Variants in ELMO1 observed in about 807,000 individuals in gnomAD.
ELMO1 encodes the protein engulfment and cell motility 1.
ELMO1 carries 26 observed loss-of-function variants against 98.9 expected under a neutral mutation model. The observed-to-expected ratio is 0.26, with a 90% CI of 0.19 to 0.36. The LOEUF is 0.36. ELMO1 is among the 10% of genes least tolerant of loss of function. The probability of loss-of-function intolerance (pLI) is 1.00; values close to 1 mark genes in which losing one functional copy is unlikely to be tolerated. For synonymous variants in ELMO1, 346 were observed against 346.0 expected (o/e 1.00, Z 0.00); for missense variants, 627 against 935.2 (o/e 0.67, Z 4.30).
chr7:37,434,550 G>A (rs1029976475), intron 1 of ELMO1, among the ~76,000 whole-genome samples: 2 of 152,210 alleles, frequency 1.3e-5, no homozygotes, highest in Non-Finnish European at 2.9e-5. Flanking sequence ...AATTTTAAAT[G>A]ATGTAAAATT....
intron 15 of ELMO1, 38 bp from the exon 16 acceptor site, chr7:37,013,473 A>G: frequency 6.2e-7 from 1 of 1,608,906 alleles, no homozygotes; most frequent in Non-Finnish European, 8.5e-7. Context: ...AAAAAGTTTT[A>G]AAACAGTGAA....
At chr7:36,970,313 C>A (rs1401236370) in intron 16 of ELMO1, among the ~76,000 whole-genome samples, 1 of 152,188 alleles carries the variant, frequency 6.6e-6, no homozygotes. Flanking sequence ...AATACACACA[C>A]ATGCACGGCA....
intron 15 of ELMO1, among the ~76,000 whole-genome samples, chr7:37,085,111 G>T (rs1783690706): frequency 6.6e-6 from 1 of 152,164 alleles, no homozygotes; most frequent in Non-Finnish European, 1.5e-5. Context: ...TGGGAGACCT[G>T]ATTGGCATCC....
At chr7:37,365,155 C>T (rs1801853720) in intron 1 of ELMO1, among the ~76,000 whole-genome samples, 1 of 152,174 alleles carries the variant, frequency 6.6e-6, no homozygotes, top group South Asian at 2.1e-4. Flanking sequence ...GCCACATTTC[C>T]ACTTTGTGTT....
intron 1 of ELMO1, among the ~76,000 whole-genome samples, chr7:37,394,568 T>C (rs978164195): frequency 5.9e-5 from 9 of 152,118 alleles, no homozygotes; most frequent in East Asian, 1.9e-4. Context: ...GCAAGGGGCA[T>C]AAGCATATAC....
At chr7:37,426,528 CAT>C (rs1804715446) in intron 1 of ELMO1, among the ~76,000 whole-genome samples, 1 of 152,096 alleles carries the variant, frequency 6.6e-6, no homozygotes, top group Admixed American at 6.5e-5. Context: ...AATGAGATAA[CAT>C]ATATAAATCA....
At chr7:37,252,336 A>G (rs1795395787) in intron 6 of ELMO1, among the ~76,000 whole-genome samples, 1 of 152,228 alleles carries the variant, frequency 6.6e-6, no homozygotes, top group Non-Finnish European at 1.5e-5. Context: ...AAACTATACT[A>G]CAAGGCTACA....
At chr7:37,084,643 T>C (rs1295297868) in intron 15 of ELMO1, among the ~76,000 whole-genome samples, 1 of 152,202 alleles carries the variant, frequency 6.6e-6, no homozygotes, top group African/African-American at 2.4e-5. Flanking sequence ...TAAATGAAGA[T>C]GTTGCAGGGG....
At chr7:37,355,458 T>C (rs1448977831) in intron 1 of ELMO1, among the ~76,000 whole-genome samples, 1 of 152,246 alleles carries the variant, frequency 6.6e-6, no homozygotes, top group Non-Finnish European at 1.5e-5. Context: ...GTAAGCATCA[T>C]AACCGAATTG....
At chr7:37,132,965 CCT>C (rs1362575429) in intron 14 of ELMO1, 163 bp downstream of exon 14, 5 of 452,390 alleles carry the variant, frequency 1.1e-5, no homozygotes, top group South Asian at 6.0e-5. Flanking sequence ...ATTTCAGTCC[CCT>C]GATTGATCTC....
intron 2 of ELMO1, among the ~76,000 whole-genome samples, chr7:37,329,016 G>C (rs1252158398): frequency 6.6e-6 from 1 of 152,198 alleles, no homozygotes; most frequent in Non-Finnish European, 1.5e-5. Context: ...GCAGTCCGGA[G>C]TGACTCTCAA....
chr7:37,379,046 C>T (rs937353439), intron 1 of ELMO1, among the ~76,000 whole-genome samples: 1 of 147,854 alleles, frequency 6.8e-6, no homozygotes, highest in African/African-American at 2.5e-5. Flanking sequence ...CATTCTTCTT[C>T]TTTTTTTTTT....
intron 1 of ELMO1, among the ~76,000 whole-genome samples, chr7:37,383,349 C>T (rs1046717624): frequency 2.0e-5 from 3 of 152,168 alleles, no homozygotes; most frequent in Non-Finnish European, 2.9e-5. Context: ...TCTAACATCT[C>T]GCCTCACAGT....
chr7:37,180,893 C>T (rs190008382), intron 13 of ELMO1, among the ~76,000 whole-genome samples: 1 of 151,938 alleles, frequency 6.6e-6, no homozygotes, highest in East Asian at 1.9e-4. Flanking sequence ...GGCAAAACAT[C>T]AACAGTGAAT....
chr7:37,305,829 A>G (rs1798586223), intron 4 of ELMO1, among the ~76,000 whole-genome samples: 1 of 152,266 alleles, frequency 6.6e-6, no homozygotes, highest in Non-Finnish European at 1.5e-5. Flanking sequence ...CTGAGAGGAA[A>G]ACATAAATCA....
chr7:37,157,058 G>A (rs2216149), intron 13 of ELMO1, among the ~76,000 whole-genome samples: 107,565 of 151,928 alleles, frequency 0.71, 40,656 homozygotes, highest in Non-Finnish European at 0.83. Context: ...CAGAACCAAT[G>A]ACAAAAACCA....
At chr7:37,248,751 C>T (rs1795155273) in intron 6 of ELMO1, among the ~76,000 whole-genome samples, 1 of 152,246 alleles carries the variant, frequency 6.6e-6, no homozygotes, top group African/African-American at 2.4e-5. Context: ...CTGGCCTTGG[C>T]TGCAAGGCAG....
intron 16 of ELMO1, among the ~76,000 whole-genome samples, chr7:36,963,030 T>C (rs1472528220): frequency 6.6e-6 from 1 of 152,250 alleles, no homozygotes; most frequent in Non-Finnish European, 1.5e-5. Flanking sequence ...GTGTCAACTC[T>C]AGAAGACTGG....
intron 13 of ELMO1, among the ~76,000 whole-genome samples, chr7:37,175,559 CA>C (rs1274291640): frequency 6.6e-6 from 1 of 152,062 alleles, no homozygotes; most frequent in Non-Finnish European, 1.5e-5. Flanking sequence ...ACTCAAAACC[CA>C]ACAGGCTGGG....
Sources: gnomAD v4.1 joint callset for allele counts (sites outside exome capture counted in the v4.1 genomes callset) on GRCh38, gnomAD v4.1.1 for gene constraint, MANE v1.5 for transcripts, NCBI Gene and HGNC (gene_info 2026-07-23, HGNC 2026-07-21) for gene names.